Variants in LINGO2 observed in about 807,000 individuals in gnomAD.
LINGO2 encodes leucine-rich repeat and immunoglobulin-like domain-containing nogo receptor-interacting protein 2.
Under a neutral mutation model 30.6 loss-of-function variants are expected in LINGO2, and 14 were observed. The ratio of observed to expected loss-of-function variants is 0.46; its 90% confidence interval spans 0.30 to 0.72. LINGO2 has a LOEUF of 0.72. Ranked by LOEUF, LINGO2 falls within the 30% of genes least tolerant of loss-of-function variation. LINGO2 has a pLI of 0.07. For missense variants in LINGO2, 729 were observed against 751.7 expected (o/e 0.97, Z 0.35); for synonymous variants, 317 against 288.5 (o/e 1.10, Z -1.00).
chr9:28,763,258 A>C, the LINGO2 span, among the ~76,000 whole-genome samples: 1 of 152,074 alleles, frequency 6.6e-6, no homozygotes, highest in Non-Finnish European at 1.5e-5. Flanking sequence ...AATTTCACAC[A>C]GAATGTTCTC....
At chr9:28,872,369 G>A in the LINGO2 span, among the ~76,000 whole-genome samples, 6,105 of 151,974 alleles carry the variant, frequency 0.04, 405 homozygotes, top group African/African-American at 0.13. Flanking sequence ...ATTAACAACA[G>A]TGGAAGACAT....
chr9:28,877,510 T>C, the LINGO2 span, among the ~76,000 whole-genome samples: 1 of 152,322 alleles, frequency 6.6e-6, no homozygotes, highest in East Asian at 1.9e-4. Context: ...AAATAGGGAA[T>C]CCTTTCCCCA....
In LINGO2 at chr9:28,090,685, A is replaced by G. The variant is rs982192724; in HGVS notation, c.-86-78280T>C. On this transcript the variant is annotated intron_variant, in intron 4 of 5. Transcript: ENST00000379992. ...AGGGATACCTTCTGTCACCACTCCT[A>G]TTCAACATAGCGTTGGAAGTTCTGG... Among the ~76,000 whole-genome samples the G allele has an allele frequency of 2.6e-5, 4 of 152,308 alleles. No individual in the cohort carries two copies. The East Asian group carries it at 7.7e-4, about 29-fold the overall frequency.
intron 1 of LINGO2, among the ~76,000 whole-genome samples, chr9:28,502,535 A>G (rs1819932652): frequency 6.6e-6 from 1 of 152,096 alleles, no homozygotes; most frequent in South Asian, 2.1e-4. Flanking sequence ...ACACATATTT[A>G]TCATTTTAGC....
chr9:29,024,922 TG>T, the LINGO2 span, among the ~76,000 whole-genome samples: 1 of 152,142 alleles, frequency 6.6e-6, no homozygotes, highest in Non-Finnish European at 1.5e-5. Flanking sequence ...GTATTAAACC[TG>T]TCTGTTTACC....
At chr9:28,386,521 C>T (rs552194434) in intron 2 of LINGO2, among the ~76,000 whole-genome samples, 32 of 152,190 alleles carry the variant, frequency 2.1e-4, no homozygotes, top group African/African-American at 4.8e-4. Flanking sequence ...GTTCATTATT[C>T]TGTATCATGC....
intron 1 of LINGO2, among the ~76,000 whole-genome samples, chr9:28,651,557 C>G (rs1828103624): frequency 6.6e-6 from 1 of 152,078 alleles, no homozygotes; most frequent in African/African-American, 2.4e-5. Context: ...CTTGATCTAA[C>G]TCATCAGGTT....
At chr9:28,719,128 C>T in the LINGO2 span, among the ~76,000 whole-genome samples, 1 of 151,922 alleles carries the variant, frequency 6.6e-6, no homozygotes, top group Admixed American at 6.6e-5. Context: ...GTTAATTATC[C>T]TCCTACTGTC....
At chr9:28,178,029 C>T (rs1828796685) in intron 4 of LINGO2, among the ~76,000 whole-genome samples, 1 of 152,156 alleles carries the variant, frequency 6.6e-6, no homozygotes, top group Admixed American at 6.5e-5. Context: ...AGAGATGTGT[C>T]TTCCTTTTAC....
intron 1 of LINGO2, among the ~76,000 whole-genome samples, chr9:28,644,648 A>C (rs1283311448): frequency 6.6e-6 from 1 of 151,960 alleles, no homozygotes; most frequent in East Asian, 1.9e-4. Context: ...ACTATAGGCA[A>C]TAATAGTTTA....
chr9:28,247,937 T>C (rs993800091), intron 4 of LINGO2, among the ~76,000 whole-genome samples: 5 of 152,184 alleles, frequency 3.3e-5, no homozygotes, highest in Admixed American at 2.6e-4. Flanking sequence ...AAATGGCTTT[T>C]ATCCAAAAGT....
At chr9:28,635,877 G>A (rs555984398) in intron 1 of LINGO2, among the ~76,000 whole-genome samples, 1 of 152,162 alleles carries the variant, frequency 6.6e-6, no homozygotes, top group Non-Finnish European at 1.5e-5. Context: ...ACAACGTACA[G>A]GTTTGTTAAA....
chr9:28,813,996 G>T, the LINGO2 span, among the ~76,000 whole-genome samples: 1 of 152,080 alleles, frequency 6.6e-6, no homozygotes, highest in East Asian at 1.9e-4. Flanking sequence ...AGATTTAGAG[G>T]CCAGGAAGCA....
chr9:28,338,518 CA>C (rs1177684514), intron 3 of LINGO2, among the ~76,000 whole-genome samples: 23 of 152,078 alleles, frequency 1.5e-4, no homozygotes, highest in Admixed American at 1.4e-3. Flanking sequence ...TGGGAGGTAC[CA>C]GGGGCAGAAT....
intron 4 of LINGO2, among the ~76,000 whole-genome samples, chr9:28,131,684 G>T (rs1827382002): frequency 6.6e-6 from 1 of 152,038 alleles, no homozygotes; most frequent in Non-Finnish European, 1.5e-5. Context: ...ATGCTTCCAG[G>T]TAGAAGCCCT....
At chr9:28,982,923 G>C in the LINGO2 span, among the ~76,000 whole-genome samples, 43 of 151,014 alleles carry the variant, frequency 2.8e-4, no homozygotes, top group African/African-American at 9.7e-4. Context: ...ATCTCCATTT[G>C]GTTTTTTCAT....
the LINGO2 span, among the ~76,000 whole-genome samples, chr9:29,016,588 C>G: frequency 6.6e-6 from 1 of 152,110 alleles, no homozygotes; most frequent in African/African-American, 2.4e-5. Context: ...AAGTATTTTA[C>G]CAACTTATAA....
At chr9:28,893,975 C>T in the LINGO2 span, among the ~76,000 whole-genome samples, 8 of 147,228 alleles carry the variant, frequency 5.4e-5, no homozygotes, top group African/African-American at 2.0e-4. Flanking sequence ...TTGTTCAATT[C>T]CCATCTATGA....
chr9:28,173,081 C>T (rs1828647716), intron 4 of LINGO2, among the ~76,000 whole-genome samples: 1 of 152,118 alleles, frequency 6.6e-6, no homozygotes, highest in African/African-American at 2.4e-5. Context: ...CAGTTTTCCC[C>T]TTCAAAATAC....
Sources: allele counts gnomAD v4.1 joint callset (sites outside exome capture counted in the v4.1 genomes callset), GRCh38; gene constraint gnomAD v4.1.1; transcripts MANE v1.5; gene names NCBI Gene and HGNC (gene_info 2026-07-23, HGNC 2026-07-21).